Variants in NCR3LG1 observed in about 807,000 individuals in gnomAD.
NCR3LG1 encodes natural cytotoxicity triggering receptor 3 ligand 1.
NCR3LG1 carries 35 observed loss-of-function variants against 34.8 expected under a neutral mutation model. The observed-to-expected ratio is 1.01, with a 90% CI of 0.77 to 1.33. NCR3LG1 has a LOEUF of 1.33. Ranked by LOEUF, NCR3LG1 falls within the 40% of genes most tolerant of loss-of-function variation. NCR3LG1 has a pLI of 0.00. For synonymous variants in NCR3LG1, 173 were observed against 163.6 expected, an observed-to-expected ratio of 1.06 and a Z score of -0.44; for missense variants, 452 against 423.3, an observed-to-expected ratio of 1.07 and a Z score of -0.60.
intron 2 of NCR3LG1, among the ~76,000 whole-genome samples, chr11:17,359,543 G>C (rs201857159): frequency 7.7e-6 from 1 of 129,884 alleles, no homozygotes; most frequent in East Asian, 2.2e-4. Context: ...AGACAGTCTT[G>C]CTCTGTTGCC....
intron 2 of NCR3LG1, among the ~76,000 whole-genome samples, chr11:17,364,031 C>T (rs115510663): frequency 2.4e-4 from 36 of 152,276 alleles, no homozygotes; most frequent in African/African-American, 8.4e-4. Context: ...GGAAAATTCT[C>T]AGCCATTATT....
downstream of NCR3LG1, among the ~76,000 whole-genome samples, chr11:17,378,127 C>A (rs1473173143): frequency 1.3e-5 from 2 of 152,128 alleles, no homozygotes; most frequent in Non-Finnish European, 2.9e-5. Context: ...AGCACAACAA[C>A]AATTCATAAA....
intron 2 of NCR3LG1, among the ~76,000 whole-genome samples, chr11:17,362,748 CTTTCTTTCTTTCTT>C (rs1953291479): frequency 9.3e-6 from 1 of 107,054 alleles, no homozygotes; most frequent in Non-Finnish European, 1.7e-5. Flanking sequence ...TTCTTTCTTT[CTTTCTTTCTTTCTT>C]TCTTTCCTTC....
In NCR3LG1 at chr11:17,367,004, G is replaced by A. The variant is rs963587010; in HGVS notation, c.422-5G>A. 2.6e-6 allele frequency: 4 copies of A among 1,523,932 alleles called. No homozygotes were observed. Among genetic ancestry groups the A allele is most frequent in the Non-Finnish European group, 2.6e-6 (3 of 1,140,546 alleles). The allele number at this position is 1,523,932 out of a possible 1,614,324, so 94.4% of individuals were successfully genotyped here. On this transcript the variant is annotated splice_region_variant and splice_polypyrimidine_tract_variant and intron_variant, in intron 2 of 4. Coordinates refer to ENST00000338965, the MANE Select transcript of NCR3LG1 (RefSeq NM_001202439.3). The stretch of plus-strand genomic sequence containing the variant: ...CAACTCTGTATGATTTTTTTTCCCT[G>A]ACAGCTTCCCCAGCCAGCAGATTGT...
At chr11:17,371,103 T>C (rs1289823458) in intron 4 of NCR3LG1, among the ~76,000 whole-genome samples, 1 of 152,222 alleles carries the variant, frequency 6.6e-6, no homozygotes, top group Non-Finnish European at 1.5e-5. Context: ...TTTTCCTTCA[T>C]GTAAGAGCTC....
At chr11:17,369,250 A>G (rs1414961184) in intron 4 of NCR3LG1, among the ~76,000 whole-genome samples, 3 of 152,238 alleles carry the variant, frequency 2.0e-5, no homozygotes, top group African/African-American at 7.2e-5. Context: ...AACAAGTATT[A>G]TATCTCTGTG....
At chr11:17,369,232 C>A (rs1953380789) in intron 4 of NCR3LG1, among the ~76,000 whole-genome samples, 1 of 152,212 alleles carries the variant, frequency 6.6e-6, no homozygotes, top group Non-Finnish European at 1.5e-5. Flanking sequence ...CTCTCTTTCT[C>A]CATACTAAAC....
intron 2 of NCR3LG1, among the ~76,000 whole-genome samples, chr11:17,362,947 G>T (rs540615448): frequency 8.8e-6 from 1 of 113,998 alleles, no homozygotes. Context: ...TTCCTGCAAC[G>T]TCTTGCTTTG....
rs1449652255 is a variant in NCR3LG1 at position 17,371,279 on chromosome 11, T to TA, written c.859-726dup. 2.6e-5 allele frequency among the ~76,000 whole-genome samples: 4 copies of TA among 152,250 alleles called. No homozygotes were observed. In the East Asian group the frequency reaches 7.7e-4, roughly 29 times the overall value. On this transcript the variant is annotated intron_variant, in intron 4 of 4. Coordinates refer to ENST00000338965, the MANE Select transcript of NCR3LG1 (RefSeq NM_001202439.3). ...TTTTTTCCTAACATTTCAAACCCTATAGTGCTACCTAGTGGGATGGGATTT... is the reference window on the plus strand; with the variant it reads ...TTTTTTCCTAACATTTCAAACCCTATAAGTGCTACCTAGTGGGATGGGATTT...
Position 17,372,633 on chromosome 11 carries a change from A to G in NCR3LG1, c.*121A>G. ...CCTGATAGATATATAGAGGCTTTCC[A>G]AAACCTAACTCAGGTGTTTGACCTT... On this transcript the variant is annotated 3_prime_UTR_variant, in exon 5 of 5. Transcript: ENST00000338965. 3.4e-6 allele frequency: 2 copies of G among 594,484 alleles called. No individual in the cohort carries two copies. Among genetic ancestry groups the G allele is most frequent in the Non-Finnish European group, 6.0e-6 (2 of 333,954 alleles). The allele number at this position is 594,484 out of a possible 1,614,324, so 36.8% of individuals were successfully genotyped here. A position where few individuals can be genotyped will look rare whatever the true frequency, so the allele number is the denominator to read the frequency against.
At position 17,376,004 on chromosome 11, in the gene NCR3LG1, A is replaced by T. The variant is rs529656478; in HGVS notation, c.*3492A>T. On this transcript the variant is annotated 3_prime_UTR_variant, in exon 5 of 5. Transcript: ENST00000338965. ...CCTTTCACTTAGGAAAGCATAAGAC[A>T]TCAGTGCATCCAAAGATTGTTCTCA... 1 of 152,348 alleles carries T rather than the reference A, an allele frequency of 6.6e-6. No homozygotes were observed. The highest frequency in any genetic ancestry group is 1.5e-5 in the Non-Finnish European group (1 of 68,032). 9.4% of individuals were successfully genotyped at this position (152,348 alleles called of 1,614,324 possible).
downstream of NCR3LG1, among the ~76,000 whole-genome samples, chr11:17,379,926 G>A (rs960728317): frequency 6.6e-6 from 1 of 152,160 alleles, no homozygotes; most frequent in African/African-American, 2.4e-5. Context: ...GAGGAGTGCA[G>A]TCAGCTGATG....
In NCR3LG1 at chr11:17,352,109, T is replaced by C. The variant is rs563420981; in HGVS notation, c.70+70T>C. ...AGAGGGTCCTCGCGGGTCGGCTCCC[T>C]AGCATCCCGCCAGGGGACCTCAACT... On this transcript the variant is annotated intron_variant, in intron 1 of 4. Coordinates refer to ENST00000338965, the MANE Select transcript of NCR3LG1 (RefSeq NM_001202439.3). 161 of 1,081,410 alleles carry C rather than the reference T, an allele frequency of 1.5e-4. 2 individuals are homozygous for C. The South Asian group carries it at 2.5e-3, about 17-fold the overall frequency. 67.0% of individuals were successfully genotyped at this position (1,081,410 alleles called of 1,614,324 possible).
At chr11:17,381,239 T>G (rs1291757486), downstream of NCR3LG1, 1 of 152,250 alleles carries the variant, frequency 6.6e-6, no homozygotes, top group Non-Finnish European at 1.5e-5. Flanking sequence ...AAGGAGGGAC[T>G]GAAGGATTAG....
In NCR3LG1 at chr11:17,367,036, A is replaced by G. The variant is rs759332868; in HGVS notation, c.449A>G (p.Asp150Gly). ...VASPASRLLL[D>G]QVGMKENEDK... The stretch of plus-strand genomic sequence containing the variant: ...TCCCCAGCCAGCAGATTGTTGCTGG[A>G]TCAAGTGGGCATGAAAGAGAATGAA... The change falls in exon 3 of 5, where the codon GAT becomes GGT. Residue 150 changes from aspartate (D) to glycine (G), a missense_variant. Asp to Gly is a moderately conservative substitution (Grantham distance 94, BLOSUM62 -1). Coordinates refer to ENST00000338965, the MANE Select transcript of NCR3LG1 (RefSeq NM_001202439.3). 3 of 1,534,110 alleles carry G rather than the reference A, an allele frequency of 2.0e-6. No individual in the cohort carries two copies. In the South Asian group the frequency reaches 3.6e-5, roughly 18 times the overall value.
At position 17,375,687 on chromosome 11, in the gene NCR3LG1, A is replaced by C. The variant is rs1282523305; in HGVS notation, c.*3175A>C. ...TCCTCCCATGAGAATTAGTGGTCAG[A>C]CATTGCAGAGGGCATCAGAAGCGGG... On this transcript the variant is annotated 3_prime_UTR_variant, in exon 5 of 5. Transcript: ENST00000338965. The C allele has an allele frequency of 6.6e-6, 1 of 152,254 alleles. No homozygotes were observed. The highest frequency in any genetic ancestry group is 1.5e-5 in the Non-Finnish European group (1 of 68,050). The allele number at this position is 152,254 out of a possible 1,614,324, so 9.4% of individuals were successfully genotyped here.
At position 17,375,822 on chromosome 11, in the gene NCR3LG1, C is replaced by T. The variant is rs1309335750; in HGVS notation, c.*3310C>T. ...AGGCCCCTCTGATTTGGGAGGGCTA[C>T]ATAAGGGAAATAAAGCCTCAGTATT... is the stretch of plus-strand genomic sequence containing the variant. On this transcript the variant is annotated 3_prime_UTR_variant, in exon 5 of 5. Transcript: ENST00000338965. The T allele has an allele frequency of 6.6e-6, 1 of 152,140 alleles. No individual in the cohort carries two copies. Among genetic ancestry groups the T allele is most frequent in the Admixed American group, 6.5e-5 (1 of 15,272 alleles). 9.4% of individuals were successfully genotyped at this position (152,140 alleles called of 1,614,324 possible). A position where few individuals can be genotyped will look rare whatever the true frequency, so the allele number is the denominator to read the frequency against.
chr11:17,372,495 C>A lies in NCR3LG1; in HGVS notation c.1348C>A (p.Leu450Met). 1 of 700,620 alleles carries A rather than the reference C, an allele frequency of 1.4e-6. No homozygotes were observed. Among genetic ancestry groups the A allele is most frequent in the Non-Finnish European group, 2.6e-6 (1 of 383,436 alleles). The allele number at this position is 700,620 out of a possible 1,614,324, so 43.4% of individuals were successfully genotyped here. Residue 450 changes from leucine (L) to methionine (M), a missense_variant, in exon 5 of 5, where the codon CTG (leucine) becomes ATG (methionine). Physicochemically the swap from Leu to Met is conservative, Grantham distance 15 (BLOSUM62 2). Transcript: ENST00000338965. Reference protein sequence around the residue: ...PVLSSQPPTLLLPLQ With the variant: ...PVLSSQPPTLMLPLQ ...TCTATCCTCCCAACCCCCAACTTTA[C>A]TGTTACCCCTACAGTAAATGCCTGA...
intron 1 of NCR3LG1, among the ~76,000 whole-genome samples, chr11:17,353,363 A>C (rs1190837326): frequency 6.6e-6 from 1 of 152,264 alleles, no homozygotes; most frequent in Non-Finnish European, 1.5e-5. Context: ...GTGGGCGGTG[A>C]AGTGGAAAGC....
Sources: allele counts gnomAD v4.1 joint callset (sites outside exome capture counted in the v4.1 genomes callset), GRCh38; gene constraint gnomAD v4.1.1; transcripts MANE v1.5; gene names NCBI Gene and HGNC (gene_info 2026-07-23, HGNC 2026-07-21).